ST6GAL2: variants seen among roughly 807,000 people sequenced by gnomAD.
ST6GAL2 encodes the protein beta-galactoside alpha-2,6-sialyltransferase 2.
Under a neutral mutation model 37.5 loss-of-function variants are expected in ST6GAL2, and 24 were observed. That is an observed-to-expected ratio of 0.64 (90% CI 0.46 to 0.90). The LOEUF is 0.90. Among genes scored for constraint, ST6GAL2 ranks in the 40% least tolerant of loss-of-function variants. The pLI is 0.00. For synonymous variants in ST6GAL2, 306 were observed against 295.1 expected (o/e 1.04, Z -0.38); for missense variants, 715 against 712.7 (o/e 1.00, Z -0.04).
rs1675439406 is a variant in ST6GAL2, at chr2:106,807,006, G to C, written c.1319-57C>G. 5 of 1,469,740 alleles carry C rather than the reference G, an allele frequency of 3.4e-6. No individual in the cohort carries two copies. The South Asian group carries it at 6.4e-5, about 19-fold the overall frequency. The allele number at this position is 1,469,740 out of a possible 1,614,324, so 91.0% of individuals were successfully genotyped here. A position where few individuals can be genotyped will look rare whatever the true frequency, so the allele number is the denominator to read the frequency against. On this transcript the variant is annotated intron_variant, in intron 5 of 5. Transcript: ENST00000409382. ...GAACAACTCCATGTGAGAGGGATGAGTTTTTTGGGGGAGGGGTGGTGGTGA... is the reference window on the plus strand; with the variant it reads ...GAACAACTCCATGTGAGAGGGATGACTTTTTTGGGGGAGGGGTGGTGGTGA...
chr2:106,846,361 G>C (rs1195836356), intron 1 of ST6GAL2, among the ~76,000 whole-genome samples: 1 of 152,124 alleles, frequency 6.6e-6, no homozygotes, highest in Non-Finnish European at 1.5e-5. Context: ...GTGCAGGTTT[G>C]TTACAGGGGC....
At chr2:106,863,509 C>T (rs1369867771) in intron 1 of ST6GAL2, among the ~76,000 whole-genome samples, 3 of 152,140 alleles carry the variant, frequency 2.0e-5, no homozygotes, top group Non-Finnish European at 4.4e-5. Context: ...CCCCGTCTAA[C>T]GCACAATGTT....
In ST6GAL2 at chr2:106,830,069, T is replaced by C; in HGVS notation, c.1315A>G (p.Ile439Val). ...IQPNPPSSGF[I>V]GILIMMSMCR... ...CAATTTTTAACATAACACCTACCAA[T>C]GAAACCAGAAGATGGTGGGTTTGGT... Residue 439 changes from isoleucine (I) to valine (V), a missense_variant, in exon 5 of 6, where the codon ATT becomes GTT. By Grantham distance (29) the Ile-to-Val change is conservative (BLOSUM62 3). This residue lies in a region of ST6GAL2 where 198 missense variants were observed against 203.6 expected (regional missense o/e 0.97). Coordinates refer to ENST00000409382, the MANE Select transcript of ST6GAL2 (RefSeq NM_001142351.2). 1 of 1,613,904 alleles carries C rather than the reference T, an allele frequency of 6.2e-7. No individual in the cohort carries two copies. The highest frequency in any genetic ancestry group is 8.5e-7 in the Non-Finnish European group (1 of 1,179,894).
chr2:106,864,846 A>T (rs551266871), intron 1 of ST6GAL2, among the ~76,000 whole-genome samples: 1 of 152,338 alleles, frequency 6.6e-6, no homozygotes, highest in East Asian at 1.9e-4. Flanking sequence ...ACAGCTTTTA[A>T]CAAATCTTCC....
At chr2:106,870,815 C>T (rs1678231957) in intron 1 of ST6GAL2, among the ~76,000 whole-genome samples, 1 of 152,118 alleles carries the variant, frequency 6.6e-6, no homozygotes, top group South Asian at 2.1e-4. Flanking sequence ...GAGAAACCAA[C>T]CAGCAATGTA....
chr2:106,833,550 T>G (rs910246736), intron 3 of ST6GAL2, among the ~76,000 whole-genome samples: 5 of 152,222 alleles, frequency 3.3e-5, no homozygotes, highest in Admixed American at 2.0e-4. Context: ...TGCTATAAAT[T>G]TTCAAGGCAT....
chr2:106,873,220 C>T (rs1377789413), intron 1 of ST6GAL2, among the ~76,000 whole-genome samples: 2 of 152,104 alleles, frequency 1.3e-5, no homozygotes, highest in Admixed American at 6.5e-5. Context: ...GCATCTGATA[C>T]ACACAGGTAG....
At chr2:106,884,906 CATATATATATAT>C (rs772381082) in intron 1 of ST6GAL2, among the ~76,000 whole-genome samples, 1 of 76,496 alleles carries the variant, frequency 1.3e-5, no homozygotes, top group Non-Finnish European at 2.3e-5. Flanking sequence ...ATTTGCAGCG[CATATATATATAT>C]ATATATATAT....
chr2:106,828,358 A>G (rs914825009), intron 5 of ST6GAL2, among the ~76,000 whole-genome samples: 2 of 152,166 alleles, frequency 1.3e-5, no homozygotes, highest in East Asian at 3.9e-4. Flanking sequence ...GACAAACTAG[A>G]TTATACTTTC....
chr2:106,845,934 A>C (rs1383977963), intron 1 of ST6GAL2, among the ~76,000 whole-genome samples: 2 of 152,198 alleles, frequency 1.3e-5, no homozygotes, highest in African/African-American at 4.8e-5. Context: ...GCCAGACACC[A>C]GTGAAGACAT....
At chr2:106,840,742 C>T (rs959593778) in intron 2 of ST6GAL2, among the ~76,000 whole-genome samples, 1 of 152,064 alleles carries the variant, frequency 6.6e-6, no homozygotes, top group African/African-American at 2.4e-5. Context: ...AAATTGTAAA[C>T]AGAGTTTACA....
In ST6GAL2 at chr2:106,843,081, G is replaced by A. The variant is rs1676963661; in HGVS notation, c.897C>T (p.Val299=). The change falls in exon 2 of 6, where the codon GTC becomes GTT. Residue 299 remains valine, a synonymous_variant. Transcript: ENST00000409382. Reference sequence around the variant, plus strand: ...AGTTGAGGATTGCGCCTGCAGACATGACGACAGCGCAGCTGCGCAGGCCGC... The same window carrying A: ...AGTTGAGGATTGCGCCTGCAGACATAACGACAGCGCAGCTGCGCAGGCCGC... The part of the protein sequence containing the change: ...HPRGLRSCAV[V]MSAGAILNSS... 4.7e-6 allele frequency: 7 copies of A among 1,500,532 alleles called. No individual in the cohort carries two copies. In the South Asian group the frequency reaches 9.5e-5, roughly 20 times the overall value. The allele number at this position is 1,500,532 out of a possible 1,614,324, so 93.0% of individuals were successfully genotyped here.
chr2:106,815,493 A>C (rs1675766068), intron 5 of ST6GAL2, among the ~76,000 whole-genome samples: 1 of 152,232 alleles, frequency 6.6e-6, no homozygotes, highest in Non-Finnish European at 1.5e-5. Flanking sequence ...TGTAATAGCA[A>C]GGAAAACAAA....
chr2:106,826,298 A>C lies in ST6GAL2; in HGVS notation c.1318+3768T>G, dbSNP rs1676200766. On this transcript the variant is annotated intron_variant, in intron 5 of 5. Transcript: ENST00000409382. ...TGGCATCTGCTTCTGAAGAGGCCTC[A>C]GGAAGCTTTTACTCATGGTGGAAGG... 2.0e-5 allele frequency among the ~76,000 whole-genome samples: 3 copies of C among 152,192 alleles called. No homozygotes were observed. In the South Asian group the frequency reaches 6.2e-4, roughly 31 times the overall value.
intron 1 of ST6GAL2, among the ~76,000 whole-genome samples, chr2:106,884,626 A>G (rs1203144682): frequency 6.6e-6 from 1 of 152,152 alleles, no homozygotes; most frequent in African/African-American, 2.4e-5. Flanking sequence ...ATTTGTATCT[A>G]TTGCGGCAAA....
At chr2:106,851,753 A>G (rs192976955) in intron 1 of ST6GAL2, among the ~76,000 whole-genome samples, 1 of 149,448 alleles carries the variant, frequency 6.7e-6, no homozygotes, top group East Asian at 2.0e-4. Flanking sequence ...TCTGAGACAC[A>G]CTCACGTCCT....
chr2:106,855,466 G>A (rs1027615377), intron 1 of ST6GAL2, among the ~76,000 whole-genome samples: 7 of 152,134 alleles, frequency 4.6e-5, no homozygotes, highest in African/African-American at 1.7e-4. Flanking sequence ...TACAGAACTA[G>A]GCCATTTATG....
intron 5 of ST6GAL2, among the ~76,000 whole-genome samples, chr2:106,812,723 C>T (rs1477994738): frequency 1.3e-5 from 2 of 152,168 alleles, no homozygotes; most frequent in Admixed American, 1.3e-4. Flanking sequence ...GTAATCATTT[C>T]CCCATGCCAG....
At chr2:106,873,112 C>A (rs1027397013) in intron 1 of ST6GAL2, among the ~76,000 whole-genome samples, 1 of 152,188 alleles carries the variant, frequency 6.6e-6, no homozygotes, top group African/African-American at 2.4e-5. Flanking sequence ...ATTCTAATGA[C>A]CCCAAATGCT....
Sources: gnomAD v4.1 joint callset for allele counts (sites outside exome capture counted in the v4.1 genomes callset) on GRCh38, gnomAD v4.1.1 for gene constraint, gnomAD v4.1.1 regional missense constraint, MANE v1.5 for transcripts, NCBI Gene and HGNC (gene_info 2026-07-23, HGNC 2026-07-21) for gene names.